DOT1L: variants seen among roughly 807,000 people sequenced by gnomAD.
The protein encoded by DOT1L is DOT1 like histone lysine methyltransferase, also known as histone-lysine N-methyltransferase, H3 lysine-79 specific.
Under a neutral mutation model 153.3 loss-of-function variants are expected in DOT1L, and 33 were observed. The ratio of observed to expected loss-of-function variants is 0.22; its 90% CI spans 0.16 to 0.29. The LOEUF (loss-of-function observed/expected upper bound fraction) is 0.29. Ranked by LOEUF, DOT1L falls within the 10% of genes least tolerant of loss-of-function variation. DOT1L has a pLI of 1.00. For synonymous variants in DOT1L, 1,135 were observed against 965.1 expected, an observed-to-expected ratio of 1.18 and a Z score of -3.26; for missense variants, 1,847 against 2,119.9, an observed-to-expected ratio of 0.87 and a Z score of 2.53.
intron 7 of DOT1L, among the ~76,000 whole-genome samples, chr19:2,195,472 G>A (rs1244076486): frequency 6.6e-6 from 1 of 152,130 alleles, no homozygotes; most frequent in Non-Finnish European, 1.5e-5. Context: ...GCCCTTATGG[G>A]GTGTGGGCTT....
intron 16 of DOT1L, chr19:2,212,189 G>C (rs551301298): frequency 1.0e-5 from 2 of 199,390 alleles, no homozygotes; most frequent in East Asian, 2.9e-4. Context: ...CCCAGTTGTC[G>C]CCTATTGGTT....
At chr19:2,169,865 A>C (rs1269839483) in intron 1 of DOT1L, among the ~76,000 whole-genome samples, 1 of 152,166 alleles carries the variant, frequency 6.6e-6, no homozygotes, top group Non-Finnish European at 1.5e-5. Context: ...ATTAAAAAAA[A>C]CACACGGTTG....
intron 27 of DOT1L, 105 bp downstream of exon 27, chr19:2,227,232 A>G (rs572838320): frequency 1.4e-5 from 20 of 1,441,500 alleles, no homozygotes; most frequent in African/African-American, 9.8e-5. Flanking sequence ...GCTGAGCTGC[A>G]GGTCCCCTGG....
intron 9 of DOT1L, among the ~76,000 whole-genome samples, chr19:2,203,955 G>A (rs1359329648): frequency 6.6e-6 from 1 of 152,222 alleles, no homozygotes; most frequent in African/African-American, 2.4e-5. Context: ...CTCCCCACCT[G>A]TCCTCTCTAG....
In DOT1L at chr19:2,214,473, C is replaced by G. The variant is rs1383706893; in HGVS notation, c.1800C>G (p.Leu600=). 1.9e-6 allele frequency: 3 copies of G among 1,612,670 alleles called. No individual in the cohort carries two copies. The highest frequency in any genetic ancestry group is 2.5e-6 in the Non-Finnish European group (3 of 1,179,796). The stretch of plus-strand genomic sequence containing the variant: ...CTGTCCCATCCCTATCCCCTCAGCT[C>G]AAGGCTCGCTGCGAGGAGCTGCAGC... The part of the protein sequence containing the change: ...RALRGQSLQL[L]KARCEELQLD... The change falls in exon 19 of 28, where the codon CTC becomes CTG. Residue 600 remains leucine (L), a splice_region_variant and synonymous_variant. Coordinates refer to ENST00000398665, the MANE Select transcript of DOT1L (RefSeq NM_032482.3).
At chr19:2,171,582 T>C (rs2021625393) in intron 1 of DOT1L, among the ~76,000 whole-genome samples, 1 of 152,156 alleles carries the variant, frequency 6.6e-6, no homozygotes, top group South Asian at 2.1e-4. Context: ...CCAAGAGCTG[T>C]GCCTTTCATC....
At chr19:2,224,436 G>A (rs1253122625) in intron 25 of DOT1L, among the ~76,000 whole-genome samples, 1 of 150,986 alleles carries the variant, frequency 6.6e-6, no homozygotes, top group Admixed American at 6.6e-5. Flanking sequence ...TCGTCGTGAA[G>A]TGATATAACA....
chr19:2,224,299 C>T (rs1026814324), intron 25 of DOT1L, among the ~76,000 whole-genome samples: 5 of 152,152 alleles, frequency 3.3e-5, no homozygotes, highest in African/African-American at 4.8e-5. Context: ...CTGGGTGGCC[C>T]GGCCCCCTGG....
intron 7 of DOT1L, among the ~76,000 whole-genome samples, chr19:2,196,326 G>A (rs887062992): frequency 3.3e-5 from 5 of 152,162 alleles, no homozygotes; most frequent in Non-Finnish European, 7.4e-5. Flanking sequence ...CCAGGAGTTC[G>A]GACACATTTT....
intron 1 of DOT1L, among the ~76,000 whole-genome samples, 155 bp from the exon 2 acceptor site, chr19:2,180,558 T>A (rs1017114236): frequency 1.3e-5 from 2 of 151,938 alleles, no homozygotes; most frequent in Admixed American, 1.3e-4. Flanking sequence ...TCTGGGAGTG[T>A]CTCTGGTGGT....
chr19:2,214,411 T>C (rs968873833), intron 18 of DOT1L, 60 bp from the exon 19 acceptor site: 5 of 1,588,988 alleles, frequency 3.1e-6, no homozygotes, highest in Non-Finnish European at 4.3e-6. Flanking sequence ...GCCCTGAGAG[T>C]GTGGGGTGTG....
intron 16 of DOT1L, 133 bp downstream of exon 16, chr19:2,211,975 G>A: frequency 2.6e-6 from 2 of 775,890 alleles, no homozygotes; most frequent in Non-Finnish European, 4.0e-6. Flanking sequence ...CTCACCTGCT[G>A]CGAGAAACAA....
At chr19:2,166,092 TTA>T (rs935353443) in intron 1 of DOT1L, among the ~76,000 whole-genome samples, 2 of 148,978 alleles carry the variant, frequency 1.3e-5, no homozygotes, top group African/African-American at 2.5e-5. Flanking sequence ...TTATGTTATG[TTA>T]TGTTATGTTG....
intron 1 of DOT1L, among the ~76,000 whole-genome samples, chr19:2,168,205 T>C (rs4807206): frequency 6.6e-6 from 1 of 152,256 alleles, no homozygotes; most frequent in East Asian, 1.9e-4. Context: ...CAGGGGCTCA[T>C]GCCTGTAGTC....
rs2023699792 is a variant in DOT1L at position 2,211,157 on chromosome 19, C to T, written c.1410C>T (p.His470=). 1 of 1,612,726 alleles carries T rather than the reference C, an allele frequency of 6.2e-7. No individual in the cohort carries two copies. Among genetic ancestry groups the T allele is most frequent in the South Asian group, 1.1e-5 (1 of 91,054 alleles). ...AGCTACCTCCGAGCGTGCAGCGGCA[C>T]TCCCCCAACCCGCTGCTGGTGGCGC... ...FYQLPPSVQR[H]SPNPLLVAPT... The change falls in exon 15 of 28, where the codon CAC becomes CAT. Residue 470 remains histidine (H), a synonymous_variant. Transcript: ENST00000398665.
At chr19:2,173,316 G>A (rs982409871) in intron 1 of DOT1L, among the ~76,000 whole-genome samples, 2 of 152,180 alleles carry the variant, frequency 1.3e-5, no homozygotes, top group African/African-American at 2.4e-5. Context: ...ACGAGGGCGA[G>A]GAGAGTTCTG....
Position 2,216,633 on chromosome 19 carries a change from G to T in DOT1L, c.2276G>T (p.Arg759Leu). The change falls in exon 20 of 28, where the codon CGC becomes CTC. Residue 759 changes from arginine to leucine, a missense_variant. Physicochemically the swap from Arg to Leu is moderately radical, Grantham distance 102 (BLOSUM62 -2). Coordinates refer to ENST00000398665, the MANE Select transcript of DOT1L (RefSeq NM_032482.3). ...ACCCCTAGCCACGTCGGCCGGCCGC[G>T]CCTGGAGAAGCTGTCTGGCCTAGCC... is the stretch of plus-strand genomic sequence containing the variant. ...PCTPSHVGRP[R>L]LEKLSGLAAP... 6.2e-7 allele frequency: 1 copy of T among 1,605,672 alleles called. No individual in the cohort carries two copies.
chr19:2,186,459 A>G (rs1159085254), intron 3 of DOT1L, among the ~76,000 whole-genome samples: 1 of 151,762 alleles, frequency 6.6e-6, no homozygotes, highest in Non-Finnish European at 1.5e-5. Flanking sequence ...TTTTTCTTTG[A>G]CAAGGAAGAC....
intron 14 of DOT1L, 48 bp downstream of exon 14, chr19:2,210,903 C>A (rs1349819474): frequency 6.3e-7 from 1 of 1,592,046 alleles, no homozygotes; most frequent in Non-Finnish European, 8.6e-7. Context: ...AGTGCGGATG[C>A]CTGGGGTCCC....
Sources: allele counts gnomAD v4.1 joint callset (sites outside exome capture counted in the v4.1 genomes callset), GRCh38; gene constraint gnomAD v4.1.1; transcripts MANE v1.5; gene names NCBI Gene and HGNC (gene_info 2026-07-23, HGNC 2026-07-21).